TEDC2: variants seen among roughly 807,000 people sequenced by gnomAD.
The protein encoded by TEDC2 is tubulin epsilon and delta complex 2, also known as tubulin epsilon and delta complex protein 2.
In TEDC2, 49 loss-of-function variants were observed where a neutral mutation model predicts 48.1. The ratio of observed to expected loss-of-function variants is 1.02; its 90% confidence interval spans 0.81 to 1.29. The LOEUF (loss-of-function observed/expected upper bound fraction) is 1.29, where lower values mean the gene tolerates loss of function less well. Among genes scored for constraint, TEDC2 ranks in the 50% most tolerant of loss-of-function variants. The probability of loss-of-function intolerance (pLI) is 0.00; values close to 1 mark genes in which losing one functional copy is unlikely to be tolerated. For missense variants in TEDC2, 631 were observed against 571.4 expected, an observed-to-expected ratio of 1.10 and a Z score of -1.06; for synonymous variants, 299 against 247.1, an observed-to-expected ratio of 1.21 and a Z score of -1.97.
chr16:2,461,326 T>A, intron 4 of TEDC2, 102 bp downstream of exon 4: 1 of 1,359,740 alleles, frequency 7.4e-7, no homozygotes, highest in Non-Finnish European at 9.7e-7. Context: ...AGGCAGGGCA[T>A]CGAGCCCTGT....
intron 2 of TEDC2, 54 bp downstream of exon 2, chr16:2,460,435 G>C: frequency 6.5e-7 from 1 of 1,534,242 alleles, no homozygotes; most frequent in Non-Finnish European, 8.8e-7. Context: ...TCAGAGTCCC[G>C]CCCCGAGCGC....
In TEDC2 at chr16:2,464,207, ACCAGCAGAT is replaced by A; in HGVS notation, c.1137_1145del (p.Gln379_Ile381del). ...CTCAAGCTGCGAGTGGCTGTGCTGG[ACCAGCAGAT>A]CCACTTGGAAAAGGTGCTTCTGGAA... On this transcript the variant is annotated inframe_deletion, in exon 9 of 10. Coordinates refer to ENST00000361837, the MANE Select transcript of TEDC2 (RefSeq NM_025108.3). The A allele has an allele frequency of 6.2e-7, 1 of 1,611,934 alleles. No individual in the cohort carries two copies. Among genetic ancestry groups the A allele is most frequent in the African/African-American group, 1.3e-5 (1 of 74,976 alleles).
chr16:2,464,866 T>C lies in TEDC2; in HGVS notation c.*198T>C. On this transcript the variant is annotated 3_prime_UTR_variant, in exon 10 of 10. Transcript: ENST00000361837. ...TTCAGCCTTCCTAAGGCTCCTGGAC[T>C]CCAGAGGCCAGCGGGGAGCCTTTCC... The C allele has an allele frequency of 1.4e-6, 1 of 692,428 alleles. No homozygotes were observed. The highest frequency in any genetic ancestry group is 2.3e-6 in the Non-Finnish European group (1 of 427,992). The allele number at this position is 692,428 out of a possible 1,614,324, so 42.9% of individuals were successfully genotyped here. A position where few individuals can be genotyped will look rare whatever the true frequency, so the allele number is the denominator to read the frequency against.
chr16:2,464,373 G>A, intron 9 of TEDC2, 144 bp downstream of exon 9: 9 of 1,321,826 alleles, frequency 6.8e-6, no homozygotes, highest in Non-Finnish European at 9.2e-6. Flanking sequence ...GGAAGTGCAT[G>A]GGTCAGACGG....
At chr16:2,463,178 A>G (rs13333917) in intron 8 of TEDC2, among the ~76,000 whole-genome samples, 9,378 of 151,948 alleles carry the variant, frequency 0.062, 944 homozygotes, top group African/African-American at 0.21. Context: ...AAAAGTAGCC[A>G]GGCGTGGTGG....
In TEDC2 at chr16:2,464,688, C is replaced by T. The variant is rs770535065; in HGVS notation, c.*20C>T. The T allele has an allele frequency of 2.4e-5, 38 of 1,612,308 alleles. No individual in the cohort carries two copies. Among genetic ancestry groups the T allele is most frequent in the South Asian group, 1.5e-4 (14 of 91,012 alleles). On this transcript the variant is annotated 3_prime_UTR_variant, in exon 10 of 10. Transcript: ENST00000361837. ...GTCTGAGCCTTTCCCATGCTGCCCT[C>T]GGCCTGTTCAGATGGGGATTGGGGG...
At position 2,460,720 on chromosome 16, in the gene TEDC2, A is replaced by T. The variant is rs1360680571; in HGVS notation, c.196+27A>T. On this transcript the variant is annotated intron_variant, in intron 3 of 9. Transcript: ENST00000361837. ...TAAACCTCCACCACCCGCCTTCTCC[A>T]GGTGCTGCTCTGGCCTGTCTGCTGG... 1.9e-6 allele frequency: 3 copies of T among 1,612,744 alleles called. No individual in the cohort carries two copies. In the African/African-American group the frequency reaches 4.0e-5, roughly 22 times the overall value.
At position 2,462,092 on chromosome 16, in the gene TEDC2, G is replaced by A; in HGVS notation, c.660-57G>A. 2.5e-6 allele frequency: 4 copies of A among 1,572,012 alleles called. No homozygotes were observed. In the South Asian group the frequency reaches 4.4e-5, roughly 17 times the overall value. On this transcript the variant is annotated intron_variant, in intron 5 of 9. Coordinates refer to ENST00000361837, the MANE Select transcript of TEDC2 (RefSeq NM_025108.3). ...CTACCTCCCAAGGCCCAGCTTACTG[G>A]CTGGAATAACCGTGTCCCTCTGTGG... is the stretch of plus-strand genomic sequence containing the variant.
chr16:2,462,457 G>A lies in TEDC2; in HGVS notation c.793G>A (p.Ala265Thr), dbSNP rs1219261276. ...QPRLSAVEVE[A>T]EAGRLRKACS... ...CAGGCTCAGTGCTGTGGAGGTGGAG[G>A]CGGAGGCGGGGCGCCTGCGGAAGGC... The change falls in exon 7 of 10, where the codon GCG (alanine) becomes ACG (threonine). Residue 265 changes from alanine to threonine, a missense_variant. Transcript: ENST00000361837. The A allele has an allele frequency of 6.2e-7, 1 of 1,611,382 alleles. No homozygotes were observed. The highest frequency in any genetic ancestry group is 8.5e-7 in the Non-Finnish European group (1 of 1,179,542).
chr16:2,463,744 T>G (rs1018003008), intron 8 of TEDC2, among the ~76,000 whole-genome samples: 2 of 152,218 alleles, frequency 1.3e-5, no homozygotes, highest in African/African-American at 2.4e-5. Flanking sequence ...ATTTTCTAAT[T>G]GCTTGAAGTT....
intron 6 of TEDC2, 84 bp downstream of exon 6, chr16:2,462,323 G>T (rs958986723): frequency 1.3e-6 from 2 of 1,597,894 alleles, no homozygotes; most frequent in Non-Finnish European, 1.7e-6. Context: ...GGAGGGGCTG[G>T]CGTGGGATGG....
intron 9 of TEDC2, 97 bp from the exon 10 acceptor site, chr16:2,464,418 AAGGAGGG>A: frequency 7.3e-7 from 1 of 1,374,742 alleles, no homozygotes. Flanking sequence ...GGAGCCTCAG[AAGGAGGG>A]AGGAGGGCTG....
At chr16:2,461,338 G>C (rs1320337985) in intron 4 of TEDC2, 114 bp downstream of exon 4, 1 of 1,306,674 alleles carries the variant, frequency 7.7e-7, no homozygotes, top group Non-Finnish European at 1.0e-6. Flanking sequence ...GAGCCCTGTG[G>C]CATACCCCTG....
rs758974445 is a variant in TEDC2 at position 2,461,000 on chromosome 16, C to G, written c.381C>G (p.Gly127=). 1.9e-6 allele frequency: 3 copies of G among 1,613,030 alleles called. No individual in the cohort carries two copies. The highest frequency in any genetic ancestry group is 2.2e-5 in the East Asian group (1 of 44,894). ...CCTCCGCCCCACCGCATTCCCCAGG[C>G]CAAGCTGGTGGCCATGCTTCAGACA... ...TTASAPPHSP[G]QAGGHASDTR... The change falls in exon 4 of 10, where the codon GGC becomes GGG. Residue 127 remains glycine, a synonymous_variant. Coordinates refer to ENST00000361837, the MANE Select transcript of TEDC2 (RefSeq NM_025108.3).
At position 2,460,818 on chromosome 16, in the gene TEDC2, T is replaced by C; in HGVS notation, c.199T>C (p.Cys67Arg). The C allele has an allele frequency of 6.2e-7, 1 of 1,612,118 alleles. No homozygotes were observed. The highest frequency in any genetic ancestry group is 8.5e-7 in the Non-Finnish European group (1 of 1,179,284). ...ETNGEDPLPACTPSPQDLKEL... is the reference protein window; with the variant it reads ...ETNGEDPLPARTPSPQDLKEL... ...TGCATAATTCTTGGCTTTCACAGCA[T>C]GCACACCCAGTCCACAAGACCTCAA... is the stretch of plus-strand genomic sequence containing the variant. The change falls in exon 4 of 10, where the codon TGC becomes CGC. Residue 67 changes from cysteine to arginine, a missense_variant and splice_region_variant. Cys to Arg is a radical substitution (Grantham distance 180, BLOSUM62 -3). Transcript: ENST00000361837.
intron 5 of TEDC2, 70 bp from the exon 6 acceptor site, chr16:2,462,079 G>A: frequency 9.8e-6 from 15 of 1,536,804 alleles, no homozygotes; most frequent in Non-Finnish European, 1.3e-5. Context: ...ACCTCCCAAG[G>A]CCCAGCTTAC....
At chr16:2,464,378 A>T (rs1395189375) in intron 9 of TEDC2, 144 bp from the exon 10 acceptor site, 2 of 1,327,438 alleles carry the variant, frequency 1.5e-6, no homozygotes, top group South Asian at 1.4e-5. Flanking sequence ...TGCATGGGTC[A>T]GACGGGGCTG....
Position 2,464,719 on chromosome 16 carries a change from T to C in TEDC2, c.*51T>C. On this transcript the variant is annotated 3_prime_UTR_variant, in exon 10 of 10. Coordinates refer to ENST00000361837, the MANE Select transcript of TEDC2 (RefSeq NM_025108.3). ...GTTCAGATGGGGATTGGGGGTGTCT[T>C]CCCTGGCACTGTGCTCGGGGACCCA... is the stretch of plus-strand genomic sequence containing the variant. 6.2e-7 allele frequency: 1 copy of C among 1,607,174 alleles called. No homozygotes were observed. The highest frequency in any genetic ancestry group is 8.5e-7 in the Non-Finnish European group (1 of 1,177,586).
intron 8 of TEDC2, among the ~76,000 whole-genome samples, chr16:2,463,402 G>A (rs573012829): frequency 1.3e-5 from 2 of 152,228 alleles, no homozygotes; most frequent in East Asian, 1.9e-4. Flanking sequence ...CAAGGCAGGC[G>A]GATCATTTGA....
Sources: allele counts gnomAD v4.1 joint callset (sites outside exome capture counted in the v4.1 genomes callset), GRCh38; gene constraint gnomAD v4.1.1; transcripts MANE v1.5; gene names NCBI Gene and HGNC (gene_info 2026-07-23, HGNC 2026-07-21).